PIEZO2: variants seen among roughly 807,000 people sequenced by gnomAD.
PIEZO2 encodes piezo-type mechanosensitive ion channel component 2.
Under a neutral mutation model 337.3 loss-of-function variants are expected in PIEZO2, and 172 were observed. That is an observed-to-expected ratio of 0.51 (90% CI 0.45 to 0.58). The LOEUF (loss-of-function observed/expected upper bound fraction) is 0.58, where lower values mean the gene tolerates loss of function less well. Among genes scored for constraint, PIEZO2 ranks in the 20% least tolerant of loss-of-function variants. PIEZO2 has a pLI of 0.00. For missense variants in PIEZO2, 3,028 were observed against 3,391.3 expected (o/e 0.89, Z 2.66); for synonymous variants, 1,251 against 1,228.5 (o/e 1.02, Z -0.38).
chr18:10,681,708 C>A lies in PIEZO2; in HGVS notation c.7732G>T (p.Asp2578Tyr). The A allele has an allele frequency of 6.2e-7, 1 of 1,611,908 alleles. No individual in the cohort carries two copies. The highest frequency in any genetic ancestry group is 8.5e-7 in the Non-Finnish European group (1 of 1,178,076). ...ATAAATTTGTTAAAGCTCTGCTGGT[C>A]CATAACTTTCAACTGGCTTTGTTGG... ...SAQQSQLKVM[D>Y]QQSFNKFIQA... is the part of the protein sequence containing the mutation. Residue 2578 changes from aspartate to tyrosine, a missense_variant, in exon 51 of 56, where the codon GAC becomes TAC. Asp to Tyr is a radical substitution (Grantham distance 160). Around this residue, in one of 5 missense-constraint regions of PIEZO2, gnomAD observed 332 missense variants for 363.8 expected, o/e 0.91. Coordinates refer to ENST00000674853, the MANE Select transcript of PIEZO2 (RefSeq NM_001378183.1).
chr18:10,820,475 T>C (rs1367045622), intron 7 of PIEZO2, among the ~76,000 whole-genome samples: 5 of 152,164 alleles, frequency 3.3e-5, no homozygotes, highest in African/African-American at 1.2e-4. Context: ...AGTAGATTAT[T>C]ATAGCTATGG....
chr18:11,108,134 G>C (rs78828056), intron 1 of PIEZO2, among the ~76,000 whole-genome samples: 3,851 of 152,208 alleles, frequency 0.025, 71 homozygotes, highest in East Asian at 0.086. Context: ...TCTACATCCA[G>C]TGAGTAACAT....
chr18:10,982,784 G>A lies in PIEZO2; in HGVS notation c.161-3124C>T, dbSNP rs2034720357. The stretch of plus-strand genomic sequence containing the variant: ...CACCCAGGCTGGAGTGAAGTGGCAT[G>A]ATGTCGGCTTACTGCAACTTCCACC... On this transcript the variant is annotated intron_variant, in intron 2 of 55. Coordinates refer to ENST00000674853, the MANE Select transcript of PIEZO2 (RefSeq NM_001378183.1). This position sits in a 1 kb window ranked among gnomAD's most constrained non-coding sequence, Gnocchi z 4.1. Among the ~76,000 whole-genome samples the A allele has an allele frequency of 6.6e-6, 1 of 151,978 alleles. No homozygotes were observed. The highest frequency in any genetic ancestry group is 6.6e-5 in the Admixed American group (1 of 15,252).
At chr18:10,822,241 G>A (rs1430038638) in intron 7 of PIEZO2, among the ~76,000 whole-genome samples, 2 of 152,184 alleles carry the variant, frequency 1.3e-5, no homozygotes, top group Non-Finnish European at 2.9e-5. Flanking sequence ...GGATAGCAGT[G>A]ACTTAGAGTA....
rs1215565175 is a variant in PIEZO2 at position 11,111,163 on chromosome 18, A to G, written c.64+37362T>C. 6.6e-6 allele frequency among the ~76,000 whole-genome samples: 1 copy of G among 152,142 alleles called. No individual in the cohort carries two copies. The highest frequency in any genetic ancestry group is 2.4e-5 in the African/African-American group (1 of 41,438). On this transcript the variant is annotated intron_variant, in intron 1 of 55. Transcript: ENST00000674853. The surrounding 1 kb of genome is among the most constrained non-coding windows in gnomAD (Gnocchi z 6.2). The stretch of plus-strand genomic sequence containing the variant: ...GAGCACTGGGGCTGCCAGCTGCCAC[A>G]GCCAGCCTGGGAGTGTCAGAGGGCT...
At chr18:10,699,940 G>T (rs940015116) in intron 43 of PIEZO2, among the ~76,000 whole-genome samples, 2 of 152,150 alleles carry the variant, frequency 1.3e-5, no homozygotes, top group African/African-American at 2.4e-5. Flanking sequence ...AGGCCAATTT[G>T]TCAGAAATCA....
chr18:10,932,547 T>C (rs568784705), intron 3 of PIEZO2, among the ~76,000 whole-genome samples: 28 of 152,300 alleles, frequency 1.8e-4, no homozygotes, highest in Middle Eastern at 3.4e-3. Context: ...CCTAGCCTTC[T>C]GCAGTTACAT....
At position 11,033,887 on chromosome 18, in the gene PIEZO2, ATAT is replaced by A. The variant is rs1208723122; in HGVS notation, c.160+32237_160+32239del. Among the ~76,000 whole-genome samples, 2 of 152,164 alleles carry A rather than the reference ATAT, an allele frequency of 1.3e-5. No homozygotes were observed. The highest frequency in any genetic ancestry group is 4.8e-5 in the African/African-American group (2 of 41,430). ...GTTTTTTCCTAACTTTCCACCAAAA[ATAT>A]TATCTTCAGACTTTACCGGGTTGGT... On this transcript the variant is annotated intron_variant, in intron 2 of 55. Coordinates refer to ENST00000674853, the MANE Select transcript of PIEZO2 (RefSeq NM_001378183.1). This position sits in a 1 kb window ranked among gnomAD's most constrained non-coding sequence, Gnocchi z 4.2.
intron 2 of PIEZO2, among the ~76,000 whole-genome samples, chr18:11,053,909 A>G (rs2037622986): frequency 6.6e-6 from 1 of 152,064 alleles, no homozygotes; most frequent in Non-Finnish European, 1.5e-5. Context: ...CTGTAATCCC[A>G]GCTACTTGGG....
At position 10,809,260 on chromosome 18, in the gene PIEZO2, C is replaced by CTTTTTTTTTTTTTTTTTTTT. The variant is rs869210659; in HGVS notation, c.918-2006_918-1987dup. ...ACCTAAGATTTCTCTCTCTCTCTCT[C>CTTTTTTTTTTTTTTTTTTTT]TTTTTTTTTTTTTTTTTTTTTTTTT... On this transcript the variant is annotated intron_variant, in intron 7 of 55. Coordinates refer to ENST00000674853, the MANE Select transcript of PIEZO2 (RefSeq NM_001378183.1). 1.1e-4 allele frequency among the ~76,000 whole-genome samples: 7 copies of CTTTTTTTTTTTTTTTTTTTT among 65,834 alleles called. 2 individuals are homozygous for CTTTTTTTTTTTTTTTTTTTT. Among genetic ancestry groups the CTTTTTTTTTTTTTTTTTTTT allele is most frequent in the African/African-American group, 4.1e-4 (7 of 17,000 alleles). 43.2% of individuals were successfully genotyped at this position (65,834 alleles called of 152,430 possible). A position where few individuals can be genotyped will look rare whatever the true frequency, so the allele number is the denominator to read the frequency against.
At chr18:10,733,890 G>A (rs2036890452) in intron 35 of PIEZO2, among the ~76,000 whole-genome samples, 1 of 152,228 alleles carries the variant, frequency 6.6e-6, no homozygotes, top group Non-Finnish European at 1.5e-5. Flanking sequence ...TCTCCAAAGA[G>A]CTACTACCAG....
At chr18:10,914,549 C>A (rs9948005) in intron 3 of PIEZO2, among the ~76,000 whole-genome samples, 44,146 of 152,010 alleles carry the variant, frequency 0.29, 6,611 homozygotes, top group Middle Eastern at 0.33. Flanking sequence ...TATTGTACTG[C>A]TTTTTACATT....
chr18:10,902,479 T>G (rs1008922401), intron 4 of PIEZO2, among the ~76,000 whole-genome samples: 1 of 152,178 alleles, frequency 6.6e-6, no homozygotes, highest in Non-Finnish European at 1.5e-5. Flanking sequence ...TTCTTTGAAT[T>G]CCCTGACACT....
In PIEZO2 at chr18:10,828,317, A is replaced by G. The variant is rs1039079427; in HGVS notation, c.918-21043T>C. 1.3e-5 allele frequency among the ~76,000 whole-genome samples: 2 copies of G among 152,160 alleles called. No homozygotes were observed. ...TCCCCAAGTCCAACAATTTAAAGTT[A>G]TTAAAATTGGATGCCCACTAACTAA... On this transcript the variant is annotated intron_variant, in intron 7 of 55. Coordinates refer to ENST00000674853, the MANE Select transcript of PIEZO2 (RefSeq NM_001378183.1). The surrounding 1 kb of genome is among the most constrained non-coding windows in gnomAD (Gnocchi z 4.1).
rs904003552 is a variant in PIEZO2, at chr18:10,954,828, T to C, written c.286+24707A>G. ...GAGAACTCAGAATGCAAGGCCTTCT[T>C]CTCTCATTTCTCTCTGATGTTAGTA... On this transcript the variant is annotated intron_variant, in intron 3 of 55. Transcript: ENST00000674853. The surrounding 1 kb of genome is among the most constrained non-coding windows in gnomAD (Gnocchi z 4.2). 2.6e-5 allele frequency among the ~76,000 whole-genome samples: 4 copies of C among 152,218 alleles called. No individual in the cohort carries two copies. The highest frequency in any genetic ancestry group is 9.6e-5 in the African/African-American group (4 of 41,464).
At chr18:11,013,386 A>T (rs974307308) in intron 2 of PIEZO2, among the ~76,000 whole-genome samples, 1 of 152,202 alleles carries the variant, frequency 6.6e-6, no homozygotes. Flanking sequence ...CCAGCCCTTG[A>T]CTTTAGCTCA....
chr18:10,838,630 A>G (rs2041094553), intron 7 of PIEZO2, among the ~76,000 whole-genome samples: 1 of 152,256 alleles, frequency 6.6e-6, no homozygotes, highest in Non-Finnish European at 1.5e-5. Context: ...TAGAGGCCAC[A>G]TGGAAGGGGC....
chr18:11,081,234 C>G (rs1414285788), intron 1 of PIEZO2, among the ~76,000 whole-genome samples: 2 of 152,146 alleles, frequency 1.3e-5, no homozygotes, highest in African/African-American at 4.8e-5. Context: ...TTCTGTTTAA[C>G]CACAGCAGAC....
chr18:10,901,241 A>G (rs1310466228), intron 4 of PIEZO2, among the ~76,000 whole-genome samples: 1 of 152,172 alleles, frequency 6.6e-6, no homozygotes, highest in Non-Finnish European at 1.5e-5. Context: ...TTTATTTTGT[A>G]TAAGGAATAT....
Sources: allele counts gnomAD v4.1 joint callset (sites outside exome capture counted in the v4.1 genomes callset), GRCh38; gene constraint gnomAD v4.1.1; regional missense constraint gnomAD v4.1.1; non-coding constraint Gnocchi (gnomAD v3.1); transcripts MANE v1.5; gene names NCBI Gene and HGNC (gene_info 2026-07-23, HGNC 2026-07-21).